The following CFAP61 variants were observed in gnomAD, a reference collection of about 807,000 sequenced individuals.
The protein encoded by CFAP61 is cilia and flagella associated protein 61, also known as cilia- and flagella-associated protein 61.
CFAP61 carries 107 observed loss-of-function variants against 135.6 expected under a neutral mutation model. That is an observed-to-expected ratio of 0.79 (90% CI 0.67 to 0.93). The LOEUF (loss-of-function observed/expected upper bound fraction) is 0.93. CFAP61 is among the 40% of genes least tolerant of loss of function. The pLI, the probability that CFAP61 is intolerant of heterozygous loss-of-function variation, is 0.00. For synonymous variants in CFAP61, 575 were observed against 578.5 expected (o/e 0.99, Z 0.09); for missense variants, 1,507 against 1,556.2 (o/e 0.97, Z 0.53).
chr20:20,087,322 G>A (rs970053778), intron 6 of CFAP61, among the ~76,000 whole-genome samples: 1 of 151,936 alleles, frequency 6.6e-6, no homozygotes, highest in Non-Finnish European at 1.5e-5. Context: ...AGTGTCTATC[G>A]TTACCATCTT....
rs1325188760 is a variant in CFAP61, at chr20:20,106,011, T to C, written c.859+7197T>C. On this transcript the variant is annotated intron_variant, in intron 8 of 26. Coordinates refer to ENST00000245957, the MANE Select transcript of CFAP61 (RefSeq NM_015585.4). ...TTAGCTACTCTTGCCTATATATATA[T>C]ATATATATATATATATATATATATA... Among the ~76,000 whole-genome samples, 172 of 25,836 alleles carry C rather than the reference T, an allele frequency of 6.7e-3. 7 individuals carry two copies. The highest frequency in any genetic ancestry group is 0.016 in the South Asian group (11 of 670). The allele number at this position is 25,836 out of a possible 152,430, so 16.9% of individuals were successfully genotyped here.
chr20:20,247,174 A>T (rs1228428033), intron 19 of CFAP61, among the ~76,000 whole-genome samples: 1 of 152,212 alleles, frequency 6.6e-6, no homozygotes, highest in African/African-American at 2.4e-5. Context: ...TAAAATTAAC[A>T]TAACACCAAC....
At chr20:20,070,741 C>A in intron 2 of CFAP61, 113 bp from the exon 3 acceptor site, 1 of 869,248 alleles carries the variant, frequency 1.2e-6, no homozygotes, top group South Asian at 1.8e-5. Flanking sequence ...CAAAGATTAT[C>A]TGACCTCATG....
At position 20,319,130 on chromosome 20, in the gene CFAP61, C is replaced by G. The variant is rs1246880853; in HGVS notation, c.3422+20744C>G. Among the ~76,000 whole-genome samples, 6 of 152,298 alleles carry G rather than the reference C, an allele frequency of 3.9e-5. No individual in the cohort carries two copies. The East Asian group carries it at 9.7e-4, about 25-fold the overall frequency. On this transcript the variant is annotated intron_variant, in intron 25 of 26. Transcript: ENST00000245957. ...TATCCCTCATGGCTGAGTGAGTTCT[C>G]CTAGCGTGAAGCAGTGGCCTGCCCA...
intron 13 of CFAP61, among the ~76,000 whole-genome samples, chr20:20,185,388 G>A (rs891699714): frequency 5.3e-5 from 8 of 152,200 alleles, no homozygotes; most frequent in Admixed American, 2.0e-4. Flanking sequence ...CAGGAGAGAG[G>A]TGGTGGAGGC....
chr20:20,138,329 T>G (rs1190888921), intron 8 of CFAP61, among the ~76,000 whole-genome samples: 1 of 152,214 alleles, frequency 6.6e-6, no homozygotes, highest in Non-Finnish European at 1.5e-5. Context: ...TAGACAGCCT[T>G]TCAAGTTTAT....
intron 17 of CFAP61, among the ~76,000 whole-genome samples, chr20:20,226,347 T>C (rs1185978851): frequency 6.6e-6 from 1 of 152,172 alleles, no homozygotes; most frequent in Non-Finnish European, 1.5e-5. Context: ...ATAAGAGAAA[T>C]GTGAGGCAGG....
chr20:20,360,198 T>C lies in CFAP61; in HGVS notation c.3514-12T>C. On this transcript the variant is annotated splice_polypyrimidine_tract_variant and intron_variant, in intron 26 of 26. Transcript: ENST00000245957. ...TTAATTTCTGTATCTGGCCTCTTACTGTGTTTTACAGGAGGAAGATCTTCC... is the reference window on the plus strand; with the variant it reads ...TTAATTTCTGTATCTGGCCTCTTACCGTGTTTTACAGGAGGAAGATCTTCC... 6.2e-7 allele frequency: 1 copy of C among 1,607,876 alleles called. No homozygotes were observed. The highest frequency in any genetic ancestry group is 8.5e-7 in the Non-Finnish European group (1 of 1,174,464).
At chr20:20,315,378 G>A (rs1322205503) in intron 25 of CFAP61, among the ~76,000 whole-genome samples, 1 of 150,306 alleles carries the variant, frequency 6.7e-6, no homozygotes, top group African/African-American at 2.4e-5. Context: ...ACTTTTTGAT[G>A]GGGTTGTTTG....
chr20:20,057,252 A>G (rs1356076116), intron 2 of CFAP61, among the ~76,000 whole-genome samples: 2 of 152,338 alleles, frequency 1.3e-5, no homozygotes, highest in East Asian at 3.9e-4. Context: ...AATTGTAGCA[A>G]GAAATCTCTG....
chr20:20,348,343 A>G (rs2058705006), intron 26 of CFAP61, among the ~76,000 whole-genome samples: 1 of 152,208 alleles, frequency 6.6e-6, no homozygotes, highest in South Asian at 2.1e-4. Flanking sequence ...CCAGGAATGT[A>G]AGGGTAGTTC....
intron 1 of CFAP61, chr20:20,056,135 C>A: frequency 1.4e-6 from 1 of 693,616 alleles, no homozygotes; most frequent in Non-Finnish European, 2.5e-6. Context: ...AAGCCTATTG[C>A]GAGCATTTCC....
chr20:20,126,134 G>A (rs777943519), intron 8 of CFAP61, among the ~76,000 whole-genome samples: 2 of 151,630 alleles, frequency 1.3e-5, no homozygotes, highest in Non-Finnish European at 2.9e-5. Flanking sequence ...AAGGTAGCAG[G>A]TGGTTGGTGA....
intron 2 of CFAP61, among the ~76,000 whole-genome samples, chr20:20,070,075 T>C (rs2045596861): frequency 6.6e-6 from 1 of 152,226 alleles, no homozygotes; most frequent in African/African-American, 2.4e-5. Context: ...TAAGTCTTGC[T>C]GCCTTGATGG....
At position 20,075,593 on chromosome 20, in the gene CFAP61, C is replaced by T. The variant is rs750872335; in HGVS notation, c.544C>T (p.Gln182Ter). The change falls in exon 6 of 27, where the codon CAG (glutamine) becomes TAG (stop). Residue 182 changes from glutamine to a stop codon, truncating the protein, a stop_gained. Coordinates refer to ENST00000245957, the MANE Select transcript of CFAP61 (RefSeq NM_015585.4). LOFTEE classifies it high-confidence loss of function. ...HICHRHSHYP[Q>*]LHVRKARVED... ...ATGTCACAGGCACAGCCACTATCCTCAGCTGCACGTTCGCAAAGCCAGGTA... is the reference window on the plus strand; with the variant it reads ...ATGTCACAGGCACAGCCACTATCCTTAGCTGCACGTTCGCAAAGCCAGGTA... The T allele has an allele frequency of 8.1e-6, 13 of 1,614,058 alleles. No homozygotes were observed. Among genetic ancestry groups the T allele is most frequent in the Admixed American group, 3.3e-5 (2 of 59,994 alleles).
chr20:20,155,223 T>A (rs1409585820), intron 9 of CFAP61, among the ~76,000 whole-genome samples: 1 of 152,162 alleles, frequency 6.6e-6, no homozygotes, highest in East Asian at 1.9e-4. Context: ...GCGAGCCACA[T>A]GTAGAAGAAT....
chr20:20,104,220 C>T (rs1260472668), intron 8 of CFAP61, among the ~76,000 whole-genome samples: 1 of 152,148 alleles, frequency 6.6e-6, no homozygotes, highest in East Asian at 1.9e-4. Flanking sequence ...TGTAATGTCT[C>T]CACGTAAAAC....
intron 20 of CFAP61, among the ~76,000 whole-genome samples, chr20:20,252,094 T>C (rs999253128): frequency 2.0e-5 from 3 of 152,188 alleles, no homozygotes; most frequent in Non-Finnish European, 4.4e-5. Context: ...AGGCATGCAT[T>C]TGTGGTAAAT....
chr20:20,349,768 C>T (rs984061880), intron 26 of CFAP61, among the ~76,000 whole-genome samples: 4 of 152,174 alleles, frequency 2.6e-5, no homozygotes, highest in African/African-American at 9.7e-5. Context: ...AATGGGACAA[C>T]ATCTGTGTTC....
Sources: allele counts gnomAD v4.1 joint callset (sites outside exome capture counted in the v4.1 genomes callset), GRCh38; gene constraint gnomAD v4.1.1; transcripts MANE v1.5; gene names NCBI Gene and HGNC (gene_info 2026-07-23, HGNC 2026-07-21).